Variants in GALNT2 observed in about 807,000 individuals in gnomAD.
The protein encoded by GALNT2 is UDP-GalNAc:polypeptide N-acetylgalactosaminyltransferase 2.
GALNT2 carries 31 observed loss-of-function variants against 81.4 expected under a neutral mutation model. The observed-to-expected ratio is 0.38, with a 90% CI of 0.29 to 0.51. The LOEUF is 0.51. Among genes scored for constraint, GALNT2 ranks in the 20% least tolerant of loss-of-function variants. The pLI, the probability that GALNT2 is intolerant of heterozygous loss-of-function variation, is 0.87. For synonymous variants in GALNT2, 303 were observed against 287.4 expected (o/e 1.05, Z -0.55); for missense variants, 629 against 765.7 (o/e 0.82, Z 2.11).
chr1:230,058,818 T>A (rs1201059813), intron 1 of GALNT2, among the ~76,000 whole-genome samples: 2 of 152,138 alleles, frequency 1.3e-5, no homozygotes, highest in African/African-American at 2.4e-5. Flanking sequence ...GAGCTTAGTG[T>A]CACTAAGAGC....
Position 230,243,445 on chromosome 1 carries a change from G to A in GALNT2, c.729+18G>A, listed in dbSNP as rs1572129257. The stretch of plus-strand genomic sequence containing the variant: ...TGGCGGAGGTGAGATGACGGGGGCT[G>A]GGAGGGGTGTCAGGTCGTGGGTGGT... On this transcript the variant is annotated intron_variant, in intron 7 of 15. Transcript: ENST00000366672. This position sits in a 1 kb window ranked among gnomAD's most constrained non-coding sequence, Gnocchi z 4.2. The A allele has an allele frequency of 2.5e-6, 4 of 1,608,574 alleles. No individual in the cohort carries two copies. The highest frequency in any genetic ancestry group is 3.4e-6 in the Non-Finnish European group (4 of 1,179,478).
chr1:230,235,636 G>T (rs575984319), intron 3 of GALNT2, among the ~76,000 whole-genome samples: 5 of 152,200 alleles, frequency 3.3e-5, no homozygotes, highest in Non-Finnish European at 5.9e-5. Flanking sequence ...GAGCAGTGGC[G>T]CACAGTTGGT....
chr1:230,103,350 C>T (rs1185305625), intron 1 of GALNT2, among the ~76,000 whole-genome samples: 1 of 152,204 alleles, frequency 6.6e-6, no homozygotes, highest in African/African-American at 2.4e-5. Flanking sequence ...CCATGAGCAA[C>T]CTTGCTACAG....
intron 1 of GALNT2, among the ~76,000 whole-genome samples, chr1:230,141,462 C>T (rs551845560): frequency 5.9e-5 from 9 of 152,310 alleles, no homozygotes; most frequent in African/African-American, 1.9e-4. Flanking sequence ...CCCCTCCCCT[C>T]CCCCTGGCAA....
intron 1 of GALNT2, among the ~76,000 whole-genome samples, chr1:230,136,522 C>G (rs895347599): frequency 2.7e-4 from 41 of 152,308 alleles, no homozygotes; most frequent in African/African-American, 9.1e-4. Context: ...CATGCACCCC[C>G]TCACTGCCCC....
At chr1:230,173,176 G>A (rs905412133) in intron 1 of GALNT2, among the ~76,000 whole-genome samples, 5 of 152,224 alleles carry the variant, frequency 3.3e-5, no homozygotes, top group African/African-American at 1.2e-4. Context: ...TGGCCCAGAT[G>A]CCATTTACAA....
chr1:230,135,540 G>A (rs1294913374), intron 1 of GALNT2, among the ~76,000 whole-genome samples: 2 of 152,186 alleles, frequency 1.3e-5, no homozygotes, highest in African/African-American at 2.4e-5. Context: ...ATCACACGGC[G>A]GGGAGGTGGA....
intron 14 of GALNT2, 57 bp downstream of exon 14, chr1:230,265,424 G>A: frequency 6.2e-7 from 1 of 1,607,950 alleles, no homozygotes; most frequent in South Asian, 1.1e-5. Context: ...GGAGTTGGGG[G>A]GGTCCTGATG....
At chr1:230,238,889 T>A (rs1164878306) in intron 6 of GALNT2, among the ~76,000 whole-genome samples, 1 of 152,202 alleles carries the variant, frequency 6.6e-6, no homozygotes, top group African/African-American at 2.4e-5. Context: ...TTCTATTTTA[T>A]TTTCTAAAAG....
At chr1:230,060,349 A>G (rs1341916434) in intron 1 of GALNT2, among the ~76,000 whole-genome samples, 2 of 151,958 alleles carry the variant, frequency 1.3e-5, no homozygotes, top group African/African-American at 2.4e-5. Flanking sequence ...AATTTGCTCA[A>G]CCCTTGTTTA....
intron 1 of GALNT2, 35 bp from the exon 2 acceptor site, chr1:230,178,183 A>G (rs1200597690): frequency 6.5e-7 from 1 of 1,541,336 alleles, no homozygotes; most frequent in East Asian, 2.2e-5. Flanking sequence ...TGCTTGAAGA[A>G]CAAGTCAACT....
At chr1:230,254,567 C>T (rs549960450) in intron 10 of GALNT2, among the ~76,000 whole-genome samples, 3 of 152,162 alleles carry the variant, frequency 2.0e-5, no homozygotes, top group South Asian at 4.1e-4. Context: ...AGACTTGAGC[C>T]TGCTAATACA....
Position 230,081,506 on chromosome 1 carries a change from T to C in GALNT2, c.126+14100T>C, listed in dbSNP as rs984871607. On this transcript the variant is annotated intron_variant, in intron 1 of 15. Transcript: ENST00000366672. ...AATATAGCGTGTTAATTTGAAAACT[T>C]TTCTGCAAGGTTTTAATTAGGAAAT... Among the ~76,000 whole-genome samples the C allele has an allele frequency of 3.9e-5, 6 of 152,346 alleles. No individual in the cohort carries two copies. In the South Asian group the frequency reaches 8.3e-4, roughly 21 times the overall value.
chr1:230,121,107 G>T (rs894818239), intron 1 of GALNT2, among the ~76,000 whole-genome samples: 1 of 152,186 alleles, frequency 6.6e-6, no homozygotes, highest in Non-Finnish European at 1.5e-5. Flanking sequence ...GATGTTTAAC[G>T]CAATGATCTC....
intron 1 of GALNT2, among the ~76,000 whole-genome samples, chr1:230,133,796 C>T (rs1661446839): frequency 6.6e-6 from 1 of 152,158 alleles, no homozygotes; most frequent in South Asian, 2.1e-4. Context: ...AAAAGTGTCT[C>T]ATGTGTTACC....
At chr1:230,122,790 T>C (rs1661058346) in intron 1 of GALNT2, among the ~76,000 whole-genome samples, 1 of 152,160 alleles carries the variant, frequency 6.6e-6, no homozygotes, top group Non-Finnish European at 1.5e-5. Flanking sequence ...GTGGTGTATA[T>C]ATAGATCTCT....
intron 1 of GALNT2, among the ~76,000 whole-genome samples, chr1:230,088,300 AC>A (rs1388063000): frequency 6.6e-6 from 1 of 152,190 alleles, no homozygotes; most frequent in Non-Finnish European, 1.5e-5. Flanking sequence ...GCCTCTGTGC[AC>A]TTGACACCTC....
At chr1:230,216,775 A>G (rs1300192401) in intron 3 of GALNT2, among the ~76,000 whole-genome samples, 1 of 152,152 alleles carries the variant, frequency 6.6e-6, no homozygotes, top group Non-Finnish European at 1.5e-5. Context: ...ATGAGGGCCC[A>G]TAATCTCCAC....
chr1:230,262,586 G>A lies in GALNT2; in HGVS notation c.1150G>A (p.Ala384Thr), dbSNP rs2102762313. ...TTTTCTTTCTAGAAACACCCGCCGG[G>A]CAGCAGAGGTCTGGATGGATGAATA... The part of the protein sequence containing the change: ...GTVFARNTRR[A>T]AEVWMDEYKN... The change falls in exon 12 of 16, where the codon GCA becomes ACA. Residue 384 changes from alanine (A) to threonine (T), a missense_variant. Physicochemically the swap from Ala to Thr is moderately conservative, Grantham distance 58 (BLOSUM62 0). This residue lies in a region of GALNT2 where 360 missense variants were observed against 492.8 expected (regional missense o/e 0.73). Transcript: ENST00000366672. 6.2e-7 allele frequency: 1 copy of A among 1,613,922 alleles called. No individual in the cohort carries two copies. The highest frequency in any genetic ancestry group is 1.1e-5 in the South Asian group (1 of 91,058).
Sources: gnomAD v4.1 joint callset for allele counts (sites outside exome capture counted in the v4.1 genomes callset) on GRCh38, gnomAD v4.1.1 for gene constraint, gnomAD v4.1.1 regional missense constraint, Gnocchi (gnomAD v3.1) non-coding constraint, MANE v1.5 for transcripts, NCBI Gene and HGNC (gene_info 2026-07-23, HGNC 2026-07-21) for gene names.